The following DCAF8 variants were observed in gnomAD, a reference collection of about 807,000 sequenced individuals.
DCAF8 encodes the protein DDB1 and CUL4 associated factor 8.
Under a neutral mutation model 68.0 loss-of-function variants are expected in DCAF8, and 20 were observed. That is an observed-to-expected ratio of 0.29 (90% CI 0.21 to 0.43). DCAF8 has a LOEUF of 0.43. Among genes scored for constraint, DCAF8 ranks in the 20% least tolerant of loss-of-function variants. DCAF8 has a pLI of 1.00. For synonymous variants in DCAF8, 230 were observed against 276.9 expected (o/e 0.83, Z 1.68); for missense variants, 460 against 771.0 (o/e 0.60, Z 4.78).
intron 2 of DCAF8, among the ~76,000 whole-genome samples, chr1:160,246,618 C>G (rs535858450): frequency 6.6e-6 from 1 of 152,160 alleles, no homozygotes; most frequent in Non-Finnish European, 1.5e-5. Context: ...ACTGTGAGAC[C>G]CTTGTCTCTA....
chr1:160,242,707 C>T (rs1557837647), intron 3 of DCAF8, among the ~76,000 whole-genome samples: 1 of 152,252 alleles, frequency 6.6e-6, no homozygotes, highest in Non-Finnish European at 1.5e-5. Context: ...AGCTCCACCA[C>T]AACTACTCAA....
chr1:160,219,447 T>C (rs1334177135), intron 11 of DCAF8: 1 of 153,770 alleles, frequency 6.5e-6, no homozygotes, highest in Non-Finnish European at 1.4e-5. Context: ...TATATTCATT[T>C]GGCAGTGTTT....
intron 7 of DCAF8, among the ~76,000 whole-genome samples, chr1:160,226,303 C>T (rs987956188): frequency 1.3e-5 from 2 of 151,936 alleles, no homozygotes; most frequent in African/African-American, 4.8e-5. Context: ...TGTATTTGGC[C>T]TGTTCTCCCT....
chr1:160,258,234 C>A (rs1038690058), intron 2 of DCAF8, among the ~76,000 whole-genome samples: 38 of 152,248 alleles, frequency 2.5e-4, no homozygotes, highest in African/African-American at 8.9e-4. Flanking sequence ...GTAGTCCCAG[C>A]TACTCGAGAG....
chr1:160,247,495 G>A (rs1656391154), intron 2 of DCAF8, among the ~76,000 whole-genome samples: 2 of 152,084 alleles, frequency 1.3e-5, no homozygotes, highest in Admixed American at 6.6e-5. Context: ...AAACTACTGG[G>A]GCTGCTCTTT....
chr1:160,231,977 G>A (rs1171594565), intron 6 of DCAF8, among the ~76,000 whole-genome samples: 1 of 151,924 alleles, frequency 6.6e-6, no homozygotes, highest in African/African-American at 2.4e-5. Flanking sequence ...GGTCACTTGA[G>A]GCCAGGAATT....
intron 2 of DCAF8, among the ~76,000 whole-genome samples, chr1:160,249,434 A>C (rs971884354): frequency 1.2e-4 from 18 of 152,200 alleles, no homozygotes; most frequent in Non-Finnish European, 2.5e-4. Context: ...GAAAAAAGCA[A>C]TTTGGCAGTT....
intron 7 of DCAF8, 31 bp downstream of exon 7, chr1:160,231,266 T>A (rs769259383): frequency 6.6e-7 from 1 of 1,505,802 alleles, no homozygotes; most frequent in Non-Finnish European, 9.2e-7. Context: ...TCTTACAAAC[T>A]GTCAAAGACA....
At chr1:160,230,637 G>C (rs1655644867) in intron 7 of DCAF8, among the ~76,000 whole-genome samples, 1 of 152,160 alleles carries the variant, frequency 6.6e-6, no homozygotes, top group African/African-American at 2.4e-5. Flanking sequence ...AAAATTTCTA[G>C]TGCACGTTTA....
intron 12 of DCAF8, 121 bp downstream of exon 12, chr1:160,218,728 G>A: frequency 1.4e-6 from 2 of 1,418,066 alleles, no homozygotes; most frequent in African/African-American, 1.4e-5. Context: ...GGAATGTGGG[G>A]GAGGGTGTTA....
chr1:160,256,341 T>C (rs1656835668), intron 2 of DCAF8, among the ~76,000 whole-genome samples: 1 of 152,208 alleles, frequency 6.6e-6, no homozygotes, highest in Admixed American at 6.5e-5. Flanking sequence ...GAAAAAATGA[T>C]GCTCCCAAGG....
intron 2 of DCAF8, among the ~76,000 whole-genome samples, chr1:160,253,833 C>T (rs895748675): frequency 1.3e-5 from 2 of 150,880 alleles, no homozygotes; most frequent in South Asian, 2.1e-4. Context: ...CTCAGAAAAA[C>T]AAACAAAAAA....
chr1:160,234,004 AAAGGAT>A (rs1655782558), intron 6 of DCAF8, among the ~76,000 whole-genome samples: 1 of 152,176 alleles, frequency 6.6e-6, no homozygotes, highest in Non-Finnish European at 1.5e-5. Context: ...AGATGAGACC[AAAGGAT>A]TTCTTTGAAG....
intron 6 of DCAF8, among the ~76,000 whole-genome samples, chr1:160,236,386 A>G (rs371783866): frequency 1.4e-4 from 22 of 151,758 alleles, no homozygotes; most frequent in Middle Eastern, 3.4e-3. Context: ...ATGTGTGTGT[A>G]TATATGTGTA....
intron 3 of DCAF8, among the ~76,000 whole-genome samples, chr1:160,243,498 C>G (rs989213029): frequency 2.0e-5 from 3 of 151,586 alleles, no homozygotes; most frequent in Middle Eastern, 3.4e-3. Context: ...CCTGTCTCAG[C>G]CTCCCAAAGT....
intron 1 of DCAF8, chr1:160,262,236 G>A: frequency 2.5e-6 from 1 of 398,232 alleles, no homozygotes; most frequent in Non-Finnish European, 4.4e-6. Flanking sequence ...CGGCTGGGAA[G>A]CGAGGGGGGG....
chr1:160,258,781 A>G (rs1656943218), intron 2 of DCAF8, among the ~76,000 whole-genome samples: 1 of 152,148 alleles, frequency 6.6e-6, no homozygotes, highest in South Asian at 2.1e-4. Context: ...AGAAAGATAA[A>G]AAGTTTACAG....
At chr1:160,249,621 C>T (rs1461860187) in intron 2 of DCAF8, among the ~76,000 whole-genome samples, 3 of 152,062 alleles carry the variant, frequency 2.0e-5, no homozygotes, top group Non-Finnish European at 4.4e-5. Context: ...AGCAATACTC[C>T]ATCTTTAAAA....
chr1:160,240,668 A>G (rs992471688), intron 3 of DCAF8, among the ~76,000 whole-genome samples: 2 of 152,240 alleles, frequency 1.3e-5, no homozygotes, highest in Non-Finnish European at 2.9e-5. Context: ...ATATTGTATA[A>G]AAGTGTGCCT....
Sources: gnomAD v4.1 joint callset for allele counts (sites outside exome capture counted in the v4.1 genomes callset) on GRCh38, gnomAD v4.1.1 for gene constraint, MANE v1.5 for transcripts, NCBI Gene and HGNC (gene_info 2026-07-23, HGNC 2026-07-21) for gene names.